Variants in CHD9 observed in about 807,000 individuals in gnomAD.
The protein encoded by CHD9 is ATP-dependent chromatin remodeler CHD9.
In CHD9, 77 loss-of-function variants were observed where a neutral mutation model predicts 316.1. The observed-to-expected ratio is 0.24, with a 90% confidence interval of 0.20 to 0.29. The LOEUF (loss-of-function observed/expected upper bound fraction) is 0.29, where lower values mean the gene tolerates loss of function less well. CHD9 is among the 10% of genes least tolerant of loss of function. The pLI is 1.00. For synonymous variants in CHD9, 1,129 were observed against 1,158.3 expected (o/e 0.97, Z 0.51); for missense variants, 2,763 against 3,438.1 (o/e 0.80, Z 4.91).
intron 32 of CHD9, 69 bp downstream of exon 32, chr16:53,306,466 T>TA: frequency 3.2e-6 from 4 of 1,267,428 alleles, no homozygotes; most frequent in Non-Finnish European, 4.2e-6. Flanking sequence ...CAATGGTAGA[T>TA]ATTCTTACTA....
In CHD9 at chr16:53,324,841, A is replaced by G. The variant is rs369166289; in HGVS notation, c.8640A>G (p.Gly2880=). The G allele has an allele frequency of 7.4e-6, 12 of 1,611,920 alleles. No individual in the cohort carries two copies. The highest frequency in any genetic ancestry group is 1.1e-5 in the South Asian group (1 of 90,692). The change falls in exon 39 of 39, where the codon GGA becomes GGG. Residue 2880 remains glycine (G), a synonymous_variant. Transcript: ENST00000447540. Reference sequence around the variant, plus strand: ...CAGAGAAAGCTGATGCTTCATCTGGATCTGATAGTACATCGTCGTCATCTG... The same window carrying G: ...CAGAGAAAGCTGATGCTTCATCTGGGTCTGATAGTACATCGTCGTCATCTG... ...EGSEKADASS[G]SDSTSSSSED... is the part of the protein sequence containing the mutation.
At chr16:53,153,886 A>G (rs1314186749) in intron 1 of CHD9, among the ~76,000 whole-genome samples, 1 of 152,168 alleles carries the variant, frequency 6.6e-6, no homozygotes, top group East Asian at 1.9e-4. Flanking sequence ...CTGATCAGAA[A>G]TACTTCAGCT....
Position 53,226,450 on chromosome 16 carries a change from T to C in CHD9, c.1981T>C (p.Ser661Pro). The change falls in exon 5 of 39, where the codon TCT (serine) becomes CCT (proline). Residue 661 changes from serine to proline, a missense_variant. Physicochemically the swap from Ser to Pro is moderately conservative, Grantham distance 74. This residue lies in a region of CHD9 where 859 missense variants were observed against 890.4 expected (regional missense o/e 0.96). Transcript: ENST00000447540. Reference sequence around the variant, plus strand: ...GCAATCTGAAGAAGAGGTTAAAGGTTCTATGAAAATAAAAAAGAATTCAGC... The same window carrying C: ...GCAATCTGAAGAAGAGGTTAAAGGTCCTATGAAAATAAAAAAGAATTCAGC... ...GKQSEEEVKG[S>P]MKIKKNSAPL... 5 of 1,607,132 alleles carry C rather than the reference T, an allele frequency of 3.1e-6. No homozygotes were observed. Among genetic ancestry groups the C allele is most frequent in the Non-Finnish European group, 4.2e-6 (5 of 1,178,066 alleles).
At position 53,304,443 on chromosome 16, in the gene CHD9, G is replaced by C. The variant is rs1567657569; in HGVS notation, c.6437G>C (p.Arg2146Thr). 6.3e-7 allele frequency: 1 copy of C among 1,586,534 alleles called. No individual in the cohort carries two copies. The highest frequency in any genetic ancestry group is 8.6e-7 in the Non-Finnish European group (1 of 1,166,238). ...TCTGAGAGATCATCTTGTTCTTCCAGATCATCTTCTTCCTCATCATCCTCT... is the reference window on the plus strand; with the variant it reads ...TCTGAGAGATCATCTTGTTCTTCCACATCATCTTCTTCCTCATCATCCTCT... ...SDSERSSCSSRSSSSSSSSSC... is the reference protein window; with the variant it reads ...SDSERSSCSSTSSSSSSSSSC... Residue 2146 changes from arginine to threonine, a missense_variant, in exon 31 of 39, where the codon AGA (arginine) becomes ACA (threonine). Transcript: ENST00000447540.
At chr16:53,196,912 T>G (rs1295602808) in intron 2 of CHD9, among the ~76,000 whole-genome samples, 1 of 152,226 alleles carries the variant, frequency 6.6e-6, no homozygotes, top group Non-Finnish European at 1.5e-5. Flanking sequence ...TATGAGTTAA[T>G]GATTAACATA....
rs759000971 is a variant in CHD9, at chr16:53,303,968, C to T, written c.5962C>T (p.Arg1988Cys). ...GAGCCGAACAGACTATCACATTCTT[C>T]GTGATCCTGAACTCTCATTTATGGC... ...GVSRTDYHIL[R>C]DPELSFMAAQ... Residue 1988 changes from arginine to cysteine, a missense_variant, in exon 31 of 39, where the codon CGT becomes TGT. Coordinates refer to ENST00000447540, the MANE Select transcript of CHD9 (RefSeq NM_001308319.2). The T allele has an allele frequency of 3.7e-6, 6 of 1,614,026 alleles. No individual in the cohort carries two copies. Among genetic ancestry groups the T allele is most frequent in the African/African-American group, 1.3e-5 (1 of 75,040 alleles).
chr16:53,077,570 G>A (rs190120526), intron 1 of CHD9, among the ~76,000 whole-genome samples: 3 of 151,936 alleles, frequency 2.0e-5, no homozygotes, highest in South Asian at 2.1e-4. Context: ...TTCGTGATCC[G>A]CCTGCCTCAG....
intron 1 of CHD9, among the ~76,000 whole-genome samples, chr16:53,117,344 C>T (rs2038384954): frequency 6.6e-6 from 1 of 151,640 alleles, no homozygotes; most frequent in Non-Finnish European, 1.5e-5. Flanking sequence ...TGTGCTAATC[C>T]CTTAGTCTTA....
chr16:53,123,836 A>C (rs1161699517), intron 1 of CHD9, among the ~76,000 whole-genome samples: 1 of 152,118 alleles, frequency 6.6e-6, no homozygotes, highest in African/African-American at 2.4e-5. Flanking sequence ...TTGTGTAATA[A>C]TTCTGTCTTC....
intron 24 of CHD9, among the ~76,000 whole-genome samples, chr16:53,281,030 A>G (rs931475591): frequency 2.6e-5 from 4 of 151,862 alleles, no homozygotes; most frequent in African/African-American, 9.7e-5. Context: ...TCTCTAATAG[A>G]TCTCTAAATA....
intron 30 of CHD9, 52 bp downstream of exon 30, chr16:53,297,210 T>A: frequency 7.4e-7 from 1 of 1,350,628 alleles, no homozygotes; most frequent in Non-Finnish European, 1.0e-6. Context: ...CAAAAATCAC[T>A]AAAATTCGGA....
chr16:53,129,791 T>A (rs1483486951), intron 1 of CHD9, among the ~76,000 whole-genome samples: 3 of 152,186 alleles, frequency 2.0e-5, no homozygotes, highest in African/African-American at 7.2e-5. Context: ...AATTTTTAAT[T>A]CGGTAGAAAG....
chr16:53,223,214 C>T (rs1455657184), intron 4 of CHD9, among the ~76,000 whole-genome samples: 1 of 149,764 alleles, frequency 6.7e-6, no homozygotes, highest in Non-Finnish European at 1.5e-5. Context: ...TATTAAAAAT[C>T]CCGTAACATA....
intron 3 of CHD9, among the ~76,000 whole-genome samples, chr16:53,215,224 A>C (rs1362483324): frequency 6.6e-6 from 1 of 152,104 alleles, no homozygotes. Flanking sequence ...CCAACAATAC[A>C]TATCTGTTAA....
intron 2 of CHD9, among the ~76,000 whole-genome samples, chr16:53,171,217 A>G (rs926455526): frequency 1.3e-5 from 2 of 152,016 alleles, no homozygotes; most frequent in African/African-American, 4.8e-5. Context: ...AGACTATCCT[A>G]CTATCCTGGC....
At chr16:53,148,501 A>T (rs139684799) in intron 1 of CHD9, among the ~76,000 whole-genome samples, 1 of 152,262 alleles carries the variant, frequency 6.6e-6, no homozygotes, top group East Asian at 1.9e-4. Flanking sequence ...ATTTCTTCAC[A>T]TCTTCTCCAA....
chr16:53,168,310 G>A (rs2042418812), intron 2 of CHD9, among the ~76,000 whole-genome samples: 1 of 152,102 alleles, frequency 6.6e-6, no homozygotes, highest in Admixed American at 6.5e-5. Context: ...GGATCCACCT[G>A]CTTTGGCCTC....
chr16:53,137,271 C>T (rs1454377608), intron 1 of CHD9, among the ~76,000 whole-genome samples: 1 of 152,086 alleles, frequency 6.6e-6, no homozygotes, highest in Non-Finnish European at 1.5e-5. Context: ...CGTGCCTGGC[C>T]TAATCTGTAT....
chr16:53,255,101 A>G (rs1471212701), intron 18 of CHD9, among the ~76,000 whole-genome samples: 1 of 152,046 alleles, frequency 6.6e-6, no homozygotes, highest in Non-Finnish European at 1.5e-5. Flanking sequence ...GCTTGAGCCT[A>G]GGAGTTTGAG....
Sources: gnomAD v4.1 joint callset for allele counts (sites outside exome capture counted in the v4.1 genomes callset) on GRCh38, gnomAD v4.1.1 for gene constraint, gnomAD v4.1.1 regional missense constraint, MANE v1.5 for transcripts, NCBI Gene and HGNC (gene_info 2026-07-23, HGNC 2026-07-21) for gene names.